Variants in ENTPD7 observed in about 807,000 individuals in gnomAD.
The protein encoded by ENTPD7 is NTPDase 7.
Under a neutral mutation model 77.9 loss-of-function variants are expected in ENTPD7, and 53 were observed. That is an observed-to-expected ratio of 0.68 (90% confidence interval 0.55 to 0.85). The LOEUF (loss-of-function observed/expected upper bound fraction) is 0.85, where lower values mean the gene tolerates loss of function less well. Among genes scored for constraint, ENTPD7 ranks in the 40% least tolerant of loss-of-function variants. ENTPD7 has a pLI of 0.00. For synonymous variants in ENTPD7, 248 were observed against 274.9 expected (o/e 0.90, Z 0.97); for missense variants, 636 against 743.7 (o/e 0.86, Z 1.68).
In ENTPD7 at chr10:99,710,846, C is replaced by T. The variant is rs1228491362; in HGVS notation, c.*6163C>T. 71 of 985,188 alleles carry T rather than the reference C, an allele frequency of 7.2e-5. No individual in the cohort carries two copies. Among genetic ancestry groups the T allele is most frequent in the Non-Finnish European group, 8.6e-5 (71 of 829,908 alleles). The allele number at this position is 985,188 out of a possible 1,614,324, so 61.0% of individuals were successfully genotyped here. ...AGTATTTGTCAGTCTAAGTTACAGA[C>T]AAAAAATTCTAGGTTGACTGATTAA... On this transcript the variant is annotated 3_prime_UTR_variant, in exon 13 of 13. Transcript: ENST00000370489.
intron 8 of ENTPD7, among the ~76,000 whole-genome samples, chr10:99,694,003 G>C (rs1185986873): frequency 6.6e-6 from 1 of 151,766 alleles, no homozygotes; most frequent in East Asian, 1.9e-4. Flanking sequence ...GAAAGAAACT[G>C]TGAGACAATG....
chr10:99,685,953 C>T, intron 6 of ENTPD7, 58 bp downstream of exon 6: 1 of 1,087,550 alleles, frequency 9.2e-7, no homozygotes. Flanking sequence ...GGCACAGCCT[C>T]TCTAACGGGT....
At chr10:99,660,274 G>T (rs1473417255) in intron 2 of ENTPD7, 5 of 980,568 alleles carry the variant, frequency 5.1e-6, no homozygotes, top group African/African-American at 1.8e-5. Flanking sequence ...GTTAAACAAA[G>T]AAGTTTTTTT....
chr10:99,688,682 T>G lies in ENTPD7; in HGVS notation c.653-12T>G, dbSNP rs1242709347. 1.2e-6 allele frequency: 2 copies of G among 1,613,814 alleles called. No individual in the cohort carries two copies. Among genetic ancestry groups the G allele is most frequent in the Admixed American group, 3.3e-5 (2 of 60,008 alleles). On this transcript the variant is annotated splice_polypyrimidine_tract_variant and intron_variant, in intron 6 of 12. Transcript: ENST00000370489. Reference sequence around the variant, plus strand: ...AGAGAATTAAGTGAGGGCTTTTCTGTTTCTTACTTAGGGGTTTATGCATGG... The same window carrying G: ...AGAGAATTAAGTGAGGGCTTTTCTGGTTCTTACTTAGGGGTTTATGCATGG...
chr10:99,661,610 G>A lies in ENTPD7; in HGVS notation c.173G>A (p.Arg58Gln), dbSNP rs61729539. Residue 58 changes from arginine (R) to glutamine (Q), a missense_variant, in exon 3 of 13, where the codon CGA (arginine) becomes CAA (glutamine). Physicochemically the swap from Arg to Gln is conservative, Grantham distance 43. This residue lies in a region of ENTPD7 where 486 missense variants were observed against 556.5 expected (regional missense o/e 0.87). Coordinates refer to ENST00000370489, the MANE Select transcript of ENTPD7 (RefSeq NM_020354.5). The part of the protein sequence containing the change: ...DFRHWSASLP[R>Q]DRQYERYLAR... The stretch of plus-strand genomic sequence containing the variant: ...CGACATTGGAGTGCTTCATTACCAC[G>A]AGATAGGCAATACGAAAGGTGAGTC... 2,800 of 1,605,094 alleles carry A rather than the reference G, an allele frequency of 1.7e-3. 31 individuals are homozygous for A. The African/African-American group carries it at 0.028, about 16-fold the overall frequency.
chr10:99,663,086 T>C (rs1437955524), intron 3 of ENTPD7, among the ~76,000 whole-genome samples: 1 of 139,510 alleles, frequency 7.2e-6, no homozygotes, highest in Non-Finnish European at 1.6e-5. Context: ...TATTTCCATC[T>C]GGATCCATAT....
intron 8 of ENTPD7, among the ~76,000 whole-genome samples, chr10:99,692,523 G>C (rs2035899770): frequency 9.7e-6 from 1 of 102,956 alleles, no homozygotes; most frequent in Non-Finnish European, 2.0e-5. Flanking sequence ...CCTTGGATGA[G>C]AGTAGGCTTT....
rs1033966106 is a variant in ENTPD7 at position 99,709,762 on chromosome 10, T to C, written c.*5079T>C. ...TCTACTTATCTTCCTTATATCCTAATAGACTTCTCTTGTGTTATTACACAT... is the reference window on the plus strand; with the variant it reads ...TCTACTTATCTTCCTTATATCCTAACAGACTTCTCTTGTGTTATTACACAT... On this transcript the variant is annotated 3_prime_UTR_variant, in exon 13 of 13. Transcript: ENST00000370489. 13 of 985,214 alleles carry C rather than the reference T, an allele frequency of 1.3e-5. No homozygotes were observed. Among genetic ancestry groups the C allele is most frequent in the East Asian group, 1.1e-4 (1 of 8,824 alleles). 61.0% of individuals were successfully genotyped at this position (985,214 alleles called of 1,614,324 possible).
At chr10:99,676,913 G>C (rs1161362163) in intron 3 of ENTPD7, among the ~76,000 whole-genome samples, 3 of 152,104 alleles carry the variant, frequency 2.0e-5, no homozygotes, top group Non-Finnish European at 1.5e-5. Context: ...TTGAAGCTCA[G>C]TTCCCTGTTC....
In ENTPD7 at chr10:99,663,174, C is replaced by A. The variant is rs12257406; in HGVS notation, c.191+1546C>A. Among the ~76,000 whole-genome samples the A allele has an allele frequency of 3.2e-3, 494 of 152,238 alleles. 3 individuals carry two copies. Among genetic ancestry groups the A allele is most frequent in the African/African-American group, 0.011 (472 of 41,540 alleles). ...AGTATGCGGTGATAAATTCTTTCAA[C>A]TTTTATATGACTGAAAAAGTCCCTA... On this transcript the variant is annotated intron_variant, in intron 3 of 12. Coordinates refer to ENST00000370489, the MANE Select transcript of ENTPD7 (RefSeq NM_020354.5).
rs774402784 is a variant in ENTPD7, at chr10:99,693,414, G to A, written c.843+1896G>A. Among the ~76,000 whole-genome samples the A allele has an allele frequency of 3.9e-5, 6 of 152,176 alleles. No individual in the cohort carries two copies. In the South Asian group the frequency reaches 1.0e-3, roughly 26 times the overall value. ...GGTTGGAAATGTGGGGGACTAACTAGGTTGTGATACTTTTTAGTCTATATT... is the reference window on the plus strand; with the variant it reads ...GGTTGGAAATGTGGGGGACTAACTAAGTTGTGATACTTTTTAGTCTATATT... On this transcript the variant is annotated intron_variant, in intron 8 of 12. Transcript: ENST00000370489.
Position 99,706,037 on chromosome 10 carries a change from GGCTGGGAGCATTTTCT to G in ENTPD7, c.*1355_*1370del, listed in dbSNP as rs1564639021. 6.6e-6 allele frequency: 1 copy of G among 151,974 alleles called. No homozygotes were observed. Among genetic ancestry groups the G allele is most frequent in the African/African-American group, 2.4e-5 (1 of 41,356 alleles). 9.4% of individuals were successfully genotyped at this position (151,974 alleles called of 1,614,324 possible). ...GTCCTTTCCACGAATATGCTCCCAC[GGCTGGGAGCATTTTCT>G]TTTCTTTTCGTCACCTTTGATTTTT... On this transcript the variant is annotated 3_prime_UTR_variant, in exon 13 of 13. Transcript: ENST00000370489.
intron 8 of ENTPD7, 40 bp from the exon 9 acceptor site, chr10:99,695,916 A>G: frequency 6.4e-7 from 1 of 1,572,370 alleles, no homozygotes; most frequent in Non-Finnish European, 8.6e-7. Context: ...GAAGGCAACC[A>G]AAACTAAAAT....
intron 6 of ENTPD7, among the ~76,000 whole-genome samples, chr10:99,687,137 A>C (rs2133471736): frequency 6.6e-6 from 1 of 150,760 alleles, no homozygotes; most frequent in Non-Finnish European, 1.5e-5. Flanking sequence ...GGCTGGTCTC[A>C]AACTCCTGAC....
chr10:99,685,653 A>G, intron 5 of ENTPD7, 139 bp from the exon 6 acceptor site: 2 of 616,478 alleles, frequency 3.2e-6, no homozygotes, highest in Non-Finnish European at 5.7e-6. Flanking sequence ...GGCGGTACCA[A>G]AAAGAAGCAG....
At position 99,698,793 on chromosome 10, in the gene ENTPD7, T is replaced by C. The variant is rs753340088; in HGVS notation, c.1270T>C (p.Cys424Arg). ...EFYGFSEFFY[C>R]TEDVLRIGGR... ...CTACGGCTTCTCTGAGTTTTTTTAT[T>C]GTACAGAGGATGTGTTGCGCATTGG... Residue 424 changes from cysteine to arginine, a missense_variant, in exon 10 of 13, where the codon TGT becomes CGT. Around this residue, in one of 3 missense-constraint regions of ENTPD7, gnomAD observed 486 missense variants for 556.5 expected, o/e 0.87. Transcript: ENST00000370489. 10 of 1,614,092 alleles carry C rather than the reference T, an allele frequency of 6.2e-6. No homozygotes were observed. The highest frequency in any genetic ancestry group is 5.1e-6 in the Non-Finnish European group (6 of 1,180,048).
intron 10 of ENTPD7, among the ~76,000 whole-genome samples, chr10:99,700,428 GTGTGTGTGTGTGTGTGTTTA>G (rs1208110210): frequency 1.2e-5 from 1 of 81,416 alleles, no homozygotes. Flanking sequence ...GTGTGTGTGT[GTGTGTGTGTGTGTGTGTTTA>G]TTGTCTGTCT....
chr10:99,703,100 T>C (rs1474505913), intron 12 of ENTPD7, among the ~76,000 whole-genome samples: 2 of 152,186 alleles, frequency 1.3e-5, no homozygotes, highest in Non-Finnish European at 2.9e-5. Flanking sequence ...ACTCCAGACA[T>C]TGTGTCATTG....
At chr10:99,687,044 A>C (rs2035821687) in intron 6 of ENTPD7, among the ~76,000 whole-genome samples, 1 of 150,432 alleles carries the variant, frequency 6.6e-6, no homozygotes, top group Non-Finnish European at 1.5e-5. Context: ...CAGCCTCCCA[A>C]GTAGCTTGGA....
Sources: allele counts gnomAD v4.1 joint callset (sites outside exome capture counted in the v4.1 genomes callset), GRCh38; gene constraint gnomAD v4.1.1; regional missense constraint gnomAD v4.1.1; transcripts MANE v1.5; gene names NCBI Gene and HGNC (gene_info 2026-07-23, HGNC 2026-07-21).